Variants in PPP4R4 observed in about 807,000 individuals in gnomAD.
The protein encoded by PPP4R4 is protein phosphatase 4 regulatory subunit 4, also known as serine/threonine-protein phosphatase 4 regulatory subunit 4.
A neutral mutation model predicts 121.8 loss-of-function variants in PPP4R4; 70 were observed. The observed-to-expected ratio is 0.57, with a 90% confidence interval of 0.47 to 0.70. The LOEUF is 0.70. PPP4R4 is among the 30% of genes least tolerant of loss of function. PPP4R4 has a pLI of 0.00. For synonymous variants in PPP4R4, 348 were observed against 355.7 expected, an observed-to-expected ratio of 0.98 and a Z score of 0.24; for missense variants, 875 against 1,033.6, an observed-to-expected ratio of 0.85 and a Z score of 2.10.
At chr14:94,262,288 C>T (rs1893827360) in intron 19 of PPP4R4, among the ~76,000 whole-genome samples, 2 of 151,882 alleles carry the variant, frequency 1.3e-5, no homozygotes, top group African/African-American at 4.8e-5. Context: ...GCTTCCCTTC[C>T]ACCCCAGTTT....
At chr14:94,214,426 G>T (rs191371987) in intron 3 of PPP4R4, among the ~76,000 whole-genome samples, 1 of 151,714 alleles carries the variant, frequency 6.6e-6, no homozygotes, top group Admixed American at 6.6e-5. Context: ...GGAGGCTGGG[G>T]CCCAGGAGTT....
chr14:94,174,956 C>G lies in PPP4R4; in HGVS notation c.117+374C>G, dbSNP rs143614718. Among the ~76,000 whole-genome samples, 883 of 133,926 alleles carry G rather than the reference C, an allele frequency of 6.6e-3. 57 individuals are homozygous for G. In the East Asian group the frequency reaches 0.14, roughly 22 times the overall value. The allele number at this position is 133,926 out of a possible 152,430, so 87.9% of individuals were successfully genotyped here. A position where few individuals can be genotyped will look rare whatever the true frequency, so the allele number is the denominator to read the frequency against. On this transcript the variant is annotated intron_variant, in intron 1 of 24. Coordinates refer to ENST00000304338, the MANE Select transcript of PPP4R4 (RefSeq NM_058237.2). The stretch of plus-strand genomic sequence containing the variant: ...GGGGCAGCCCCAGCGTCCTCCGTCG[C>G]GGACCCCCTTCCTTCCGCCCCCCCC...
chr14:94,222,150 C>T (rs965796269), intron 3 of PPP4R4, among the ~76,000 whole-genome samples: 3 of 151,822 alleles, frequency 2.0e-5, no homozygotes, highest in Non-Finnish European at 2.9e-5. Flanking sequence ...GAATATTTTT[C>T]CCATTTACAT....
At chr14:94,181,054 A>G (rs1334853445) in intron 2 of PPP4R4, among the ~76,000 whole-genome samples, 1 of 152,144 alleles carries the variant, frequency 6.6e-6, no homozygotes, top group Non-Finnish European at 1.5e-5. Flanking sequence ...TTTTTCTTTT[A>G]AAATACCTAT....
At chr14:94,274,782 C>A (rs571493226) in intron 23 of PPP4R4, among the ~76,000 whole-genome samples, 9 of 152,286 alleles carry the variant, frequency 5.9e-5, no homozygotes, top group African/African-American at 2.2e-4. Context: ...ACTTCCACTC[C>A]TTGGCATTTA....
rs548787323 is a variant in PPP4R4 at position 94,206,022 on chromosome 14, T to C, written c.192-2442T>C. Among the ~76,000 whole-genome samples, 228 of 152,178 alleles carry C rather than the reference T, an allele frequency of 1.5e-3. 3 individuals carry two copies. The highest frequency in any genetic ancestry group is 5.1e-3 in the African/African-American group (214 of 41,562). The stretch of plus-strand genomic sequence containing the variant: ...TTCTTGAGTTCTTCTATATCTTTGC[T>C]GATTCCCTGTGTAGTTCTGTCAGTT... On this transcript the variant is annotated intron_variant, in intron 2 of 24. Coordinates refer to ENST00000304338, the MANE Select transcript of PPP4R4 (RefSeq NM_058237.2).
At chr14:94,242,606 T>A (rs1892692127) in intron 11 of PPP4R4, among the ~76,000 whole-genome samples, 198 bp downstream of exon 11, 1 of 152,172 alleles carries the variant, frequency 6.6e-6, no homozygotes, top group Non-Finnish European at 1.5e-5. Flanking sequence ...ATACATTATA[T>A]TTGTGTATTC....
At chr14:94,217,362 A>G (rs1467323211) in intron 3 of PPP4R4, among the ~76,000 whole-genome samples, 1 of 152,216 alleles carries the variant, frequency 6.6e-6, no homozygotes, top group Non-Finnish European at 1.5e-5. Flanking sequence ...ACCCAGCTCA[A>G]CTGCTAACTA....
At chr14:94,227,133 T>C in intron 3 of PPP4R4, 1 of 617,186 alleles carries the variant, frequency 1.6e-6, no homozygotes, top group Non-Finnish European at 2.8e-6. Context: ...TTTTAAAACT[T>C]GGAAACGTGC....
chr14:94,195,640 C>T (rs1889829734), intron 2 of PPP4R4, among the ~76,000 whole-genome samples: 1 of 151,998 alleles, frequency 6.6e-6, no homozygotes, highest in South Asian at 2.1e-4. Flanking sequence ...TGGCTTCTAC[C>T]TACTAGATTA....
intron 3 of PPP4R4, among the ~76,000 whole-genome samples, chr14:94,213,011 T>A (rs1043870247): frequency 6.6e-6 from 1 of 152,180 alleles, no homozygotes; most frequent in Non-Finnish European, 1.5e-5. Flanking sequence ...ATAAAAATAA[T>A]GTAGCCAATA....
At chr14:94,245,090 A>T (rs1327759700) in intron 12 of PPP4R4, among the ~76,000 whole-genome samples, 2 of 152,046 alleles carry the variant, frequency 1.3e-5, no homozygotes, top group African/African-American at 4.8e-5. Flanking sequence ...ATCATATATC[A>T]CATTTTATAA....
chr14:94,218,760 A>ACC (rs1420371030), intron 3 of PPP4R4, among the ~76,000 whole-genome samples: 65 of 149,404 alleles, frequency 4.4e-4, no homozygotes, highest in African/African-American at 1.6e-3. Context: ...ACACACACAC[A>ACC]CCCTCACCCC....
At chr14:94,177,912 G>C (rs1888766299) in intron 2 of PPP4R4, among the ~76,000 whole-genome samples, 1 of 152,146 alleles carries the variant, frequency 6.6e-6, no homozygotes, top group African/African-American at 2.4e-5. Context: ...TTAGTTTCTT[G>C]TGGCTCACCT....
intron 3 of PPP4R4, among the ~76,000 whole-genome samples, chr14:94,215,006 A>C (rs979246487): frequency 6.6e-6 from 1 of 152,244 alleles, no homozygotes; most frequent in Non-Finnish European, 1.5e-5. Context: ...TCCTATCCCC[A>C]AGGTATTTCA....
chr14:94,240,889 A>G (rs1229684875), intron 9 of PPP4R4, 94 bp downstream of exon 9: 1 of 1,358,806 alleles, frequency 7.4e-7, no homozygotes, highest in Non-Finnish European at 9.6e-7. Flanking sequence ...GTTAATTGTA[A>G]AGCCTAACTC....
chr14:94,189,274 G>A (rs1335215881), intron 2 of PPP4R4, among the ~76,000 whole-genome samples: 1 of 152,112 alleles, frequency 6.6e-6, no homozygotes, highest in South Asian at 2.1e-4. Context: ...ACAATGTGAA[G>A]GAGATGTATT....
rs1805947297 is a variant in PPP4R4 at position 94,251,626 on chromosome 14, T to A, written c.1718-123T>A. On this transcript the variant is annotated intron_variant, in intron 15 of 24. Transcript: ENST00000304338. ...ATAATGATATTTTTCCTCTTATGTC[T>A]TGTATTTGCTAGCCAAATTGTGGGT... 5.7e-6 allele frequency: 4 copies of A among 701,426 alleles called. No individual in the cohort carries two copies. The South Asian group carries it at 8.2e-5, about 14-fold the overall frequency. 43.5% of individuals were successfully genotyped at this position (701,426 alleles called of 1,614,324 possible).
At position 94,250,259 on chromosome 14, in the gene PPP4R4, A is replaced by T; in HGVS notation, c.1699A>T (p.Ile567Phe). 1.2e-6 allele frequency: 2 copies of T among 1,604,268 alleles called. No individual in the cohort carries two copies. The highest frequency in any genetic ancestry group is 1.7e-6 in the Non-Finnish European group (2 of 1,171,714). The change falls in exon 15 of 25, where the codon ATT becomes TTT. Residue 567 changes from isoleucine to phenylalanine, a missense_variant. Ile to Phe is a conservative substitution (Grantham distance 21). Transcript: ENST00000304338. ...TAAACAAGAACAGAGACATGAGGTC[A>T]TTCAAAAATTAATTGAACGTAAGTA... ...NRKQEQRHEV[I>F]QKLIEQLGQG...
Sources: gnomAD v4.1 joint callset for allele counts (sites outside exome capture counted in the v4.1 genomes callset) on GRCh38, gnomAD v4.1.1 for gene constraint, MANE v1.5 for transcripts, NCBI Gene and HGNC (gene_info 2026-07-23, HGNC 2026-07-21) for gene names.